The following KCNIP4 variants were observed in gnomAD, a reference collection of about 807,000 sequenced individuals.
KCNIP4 encodes the protein Kv channel-interacting protein 4.
KCNIP4 carries 12 observed loss-of-function variants against 34.0 expected under a neutral mutation model. That is an observed-to-expected ratio of 0.35 (90% CI 0.23 to 0.57). KCNIP4 has a LOEUF of 0.57. KCNIP4 is among the 20% of genes least tolerant of loss of function. KCNIP4 has a pLI of 0.83. For missense variants in KCNIP4, 238 were observed against 311.7 expected (o/e 0.76, Z 1.78); for synonymous variants, 124 against 102.2 (o/e 1.21, Z -1.29).
At chr4:21,770,993 C>T (rs534643035) in intron 1 of KCNIP4, among the ~76,000 whole-genome samples, 4 of 152,054 alleles carry the variant, frequency 2.6e-5, no homozygotes, top group Middle Eastern at 3.4e-3. Flanking sequence ...TTGCTTTTGG[C>T]ATTTTTGCAT....
At chr4:21,106,050 A>C (rs1215503231) in intron 1 of KCNIP4, among the ~76,000 whole-genome samples, 1 of 151,522 alleles carries the variant, frequency 6.6e-6, no homozygotes, top group Non-Finnish European at 1.5e-5. Flanking sequence ...TATTGGTCTA[A>C]AATTCTCTTT....
At chr4:21,420,819 A>G (rs1237541756) in intron 1 of KCNIP4, among the ~76,000 whole-genome samples, 1 of 152,230 alleles carries the variant, frequency 6.6e-6, no homozygotes, top group Non-Finnish European at 1.5e-5. Flanking sequence ...GCTTCTGTAC[A>G]GGAAAGGAAA....
At chr4:21,711,972 A>G (rs1368482746) in intron 1 of KCNIP4, among the ~76,000 whole-genome samples, 1 of 152,202 alleles carries the variant, frequency 6.6e-6, no homozygotes, top group Non-Finnish European at 1.5e-5. Flanking sequence ...CATAAGTATC[A>G]CAGCTTAAAT....
intron 1 of KCNIP4, among the ~76,000 whole-genome samples, chr4:21,184,830 C>A (rs1444607447): frequency 1.3e-5 from 2 of 152,186 alleles, no homozygotes; most frequent in Admixed American, 1.3e-4. Context: ...TAGCTCTCTA[C>A]TGAGTTCAAA....
chr4:21,586,696 C>T (rs1258672300), intron 1 of KCNIP4, among the ~76,000 whole-genome samples: 1 of 152,042 alleles, frequency 6.6e-6, no homozygotes, highest in Non-Finnish European at 1.5e-5. Flanking sequence ...GCATTAGTCA[C>T]TTGTCAAAAT....
chr4:20,890,971 T>C (rs1725858393), intron 1 of KCNIP4, among the ~76,000 whole-genome samples: 1 of 152,218 alleles, frequency 6.6e-6, no homozygotes, highest in Admixed American at 6.5e-5. Flanking sequence ...TGCCATCACA[T>C]GTCAGTGTCA....
chr4:21,202,380 G>T (rs1432319469), intron 1 of KCNIP4, among the ~76,000 whole-genome samples: 1 of 152,092 alleles, frequency 6.6e-6, no homozygotes. Flanking sequence ...CTGGACACTG[G>T]GTACACTTGG....
At chr4:21,013,773 G>T (rs1261188849) in intron 1 of KCNIP4, among the ~76,000 whole-genome samples, 1 of 152,154 alleles carries the variant, frequency 6.6e-6, no homozygotes, top group Non-Finnish European at 1.5e-5. Flanking sequence ...TACAGGATGT[G>T]ACTCAATGAA....
At position 21,659,071 on chromosome 4, in the gene KCNIP4, C is replaced by CTTT. The variant is rs2108986263; in HGVS notation, c.61+289499_61+289500insAAA. 2.0e-5 allele frequency among the ~76,000 whole-genome samples: 3 copies of CTTT among 152,176 alleles called. No individual in the cohort carries two copies. The South Asian group carries it at 6.2e-4, about 32-fold the overall frequency. ...GTAGACCATTGATTATTAGATCAGC[C>CTTT]ACCTGTAGAAAATATGCTTTTGTGC... On this transcript the variant is annotated intron_variant, in intron 1 of 8. Transcript: ENST00000382152.
intron 1 of KCNIP4, among the ~76,000 whole-genome samples, chr4:21,838,845 T>C (rs1386216802): frequency 6.6e-6 from 1 of 152,206 alleles, no homozygotes; most frequent in Non-Finnish European, 1.5e-5. Context: ...ATCTGATCAA[T>C]CAAAGAAATG....
At chr4:20,737,991 G>C (rs923657067) in intron 5 of KCNIP4, among the ~76,000 whole-genome samples, 1 of 152,054 alleles carries the variant, frequency 6.6e-6, no homozygotes, top group African/African-American at 2.4e-5. Flanking sequence ...AATTAACTGG[G>C]TATGGTGGTG....
chr4:21,477,406 C>T (rs993061732), intron 1 of KCNIP4, among the ~76,000 whole-genome samples: 1 of 152,078 alleles, frequency 6.6e-6, no homozygotes. Context: ...GACTGAATAC[C>T]TTTGAATATC....
intron 1 of KCNIP4, among the ~76,000 whole-genome samples, chr4:21,528,768 AAAGAAAGAAAGG>A (rs1736332732): frequency 1.0e-4 from 1 of 10,034 alleles, no homozygotes; most frequent in Non-Finnish European, 1.9e-4. Flanking sequence ...AGAAAGAAAG[AAAGAAAGAAAGG>A]AAGAAAGGAA....
chr4:21,442,573 A>T (rs1210518483), intron 1 of KCNIP4, among the ~76,000 whole-genome samples: 1 of 152,194 alleles, frequency 6.6e-6, no homozygotes, highest in Admixed American at 6.5e-5. Flanking sequence ...GATCCAGTTG[A>T]CCACTCTCTT....
intron 3 of KCNIP4, among the ~76,000 whole-genome samples, chr4:20,793,352 G>C (rs1354128138): frequency 2.0e-5 from 3 of 152,160 alleles, no homozygotes; most frequent in African/African-American, 7.2e-5. Context: ...CTGCAAATTA[G>C]TCATGCTGAG....
intron 1 of KCNIP4, among the ~76,000 whole-genome samples, chr4:21,790,463 G>T (rs943327516): frequency 6.6e-6 from 1 of 152,092 alleles, no homozygotes; most frequent in Admixed American, 6.5e-5. Flanking sequence ...GGAGGCTTTA[G>T]AGGTGGGATT....
At chr4:20,810,562 T>G (rs1715623068) in intron 3 of KCNIP4, among the ~76,000 whole-genome samples, 1 of 152,106 alleles carries the variant, frequency 6.6e-6, no homozygotes, top group Admixed American at 6.5e-5. Flanking sequence ...AATTTGCAAC[T>G]AACACTGATG....
At chr4:21,762,436 C>G (rs1251404031) in intron 1 of KCNIP4, among the ~76,000 whole-genome samples, 3 of 152,018 alleles carry the variant, frequency 2.0e-5, no homozygotes, top group African/African-American at 7.2e-5. Context: ...TATGTTTTTC[C>G]CATTTCTTAT....
intron 1 of KCNIP4, among the ~76,000 whole-genome samples, chr4:21,592,656 G>A (rs143191279): frequency 6.6e-6 from 1 of 152,168 alleles, no homozygotes; most frequent in East Asian, 1.9e-4. Context: ...TGTAAGGCAC[G>A]TGCTTATAAG....
Sources: gnomAD v4.1 joint callset for allele counts (sites outside exome capture counted in the v4.1 genomes callset) on GRCh38, gnomAD v4.1.1 for gene constraint, MANE v1.5 for transcripts, NCBI Gene and HGNC (gene_info 2026-07-23, HGNC 2026-07-21) for gene names.